Variants in CTNNA2 observed in about 807,000 individuals in gnomAD.
The protein encoded by CTNNA2 is catenin alpha-2.
A neutral mutation model predicts 101.0 loss-of-function variants in CTNNA2; 42 were observed. The ratio of observed to expected loss-of-function variants is 0.42; its 90% CI spans 0.32 to 0.54. CTNNA2 has a LOEUF of 0.54. Among genes scored for constraint, CTNNA2 ranks in the 20% least tolerant of loss-of-function variants. The probability of loss-of-function intolerance (pLI) is 0.14; values close to 1 mark genes in which losing one functional copy is unlikely to be tolerated. For synonymous variants in CTNNA2, 450 were observed against 456.4 expected (o/e 0.99, Z 0.18); for missense variants, 871 against 1,223.1 (o/e 0.71, Z 4.29).
intron 7 of CTNNA2, among the ~76,000 whole-genome samples, chr2:80,135,406 C>A (rs893839658): frequency 6.6e-6 from 1 of 152,142 alleles, no homozygotes; most frequent in Non-Finnish European, 1.5e-5. Flanking sequence ...CCTCTTCCTT[C>A]TTTGTCGTAG....
intron 13 of CTNNA2, among the ~76,000 whole-genome samples, chr2:80,576,683 T>G (rs1218303208): frequency 6.6e-6 from 1 of 151,232 alleles, no homozygotes; most frequent in East Asian, 2.0e-4. Context: ...CAAAGACACC[T>G]TCTTTAATAT....
At chr2:80,412,464 A>G (rs1044106364) in intron 8 of CTNNA2, among the ~76,000 whole-genome samples, 2 of 152,216 alleles carry the variant, frequency 1.3e-5, no homozygotes, top group African/African-American at 4.8e-5. Flanking sequence ...GACTACTGTT[A>G]TTTCAGTGCA....
chr2:79,559,695 G>C (rs1022882716), intron 1 of CTNNA2, among the ~76,000 whole-genome samples: 1 of 151,812 alleles, frequency 6.6e-6, no homozygotes, highest in African/African-American at 2.4e-5. Flanking sequence ...GAAGTAGGTT[G>C]AACACTAGTA....
At chr2:79,793,095 G>A (rs1364853833) in intron 3 of CTNNA2, among the ~76,000 whole-genome samples, 1 of 152,158 alleles carries the variant, frequency 6.6e-6, no homozygotes, top group Non-Finnish European at 1.5e-5. Flanking sequence ...ATGGGCCTAA[G>A]TGGAATATCT....
At chr2:79,975,644 C>T (rs1690784154) in intron 7 of CTNNA2, among the ~76,000 whole-genome samples, 2 of 152,096 alleles carry the variant, frequency 1.3e-5, no homozygotes, top group Admixed American at 1.3e-4. Flanking sequence ...GATTAATTTG[C>T]TAAAGTGGCT....
At chr2:79,664,705 C>CT (rs67782114) in intron 2 of CTNNA2, among the ~76,000 whole-genome samples, 2,964 of 94,944 alleles carry the variant, frequency 0.031, 477 homozygotes, top group African/African-American at 0.1. Context: ...TCACATTCTT[C>CT]TTTTTTTTTT....
At chr2:79,945,926 A>T (rs1688462067) in intron 7 of CTNNA2, among the ~76,000 whole-genome samples, 1 of 152,100 alleles carries the variant, frequency 6.6e-6, no homozygotes, top group Admixed American at 6.5e-5. Context: ...GTGCTATGGG[A>T]GCAGAAAACA....
chr2:80,367,752 T>G (rs749835041), intron 7 of CTNNA2, among the ~76,000 whole-genome samples: 8 of 152,118 alleles, frequency 5.3e-5, no homozygotes, highest in Non-Finnish European at 8.8e-5. Context: ...GAGGTAAGTA[T>G]TCAATATCAG....
intron 7 of CTNNA2, among the ~76,000 whole-genome samples, chr2:80,169,642 T>C (rs1169983454): frequency 3.3e-5 from 5 of 152,132 alleles, no homozygotes; most frequent in Non-Finnish European, 7.4e-5. Flanking sequence ...GATGGATGCT[T>C]CCTACCTTGG....
rs1185534048 is a variant in CTNNA2 at position 80,303,037 on chromosome 2, C to T, written c.1057-90174C>T. 5 of 1,613,746 alleles carry T rather than the reference C, an allele frequency of 3.1e-6. No individual in the cohort carries two copies. The highest frequency in any genetic ancestry group is 1.1e-5 in the South Asian group (1 of 91,064). ...ACTCGATCTCGTTGCCCGACAAGTCCATTTTCTCCAGGTTCCAAACCCAGT... is the reference window on the plus strand; with the variant it reads ...ACTCGATCTCGTTGCCCGACAAGTCTATTTTCTCCAGGTTCCAAACCCAGT... On this transcript the variant is annotated intron_variant, in intron 7 of 18. Transcript: ENST00000402739. The surrounding 1 kb of genome is among the most constrained non-coding windows in gnomAD (Gnocchi z 7.7).
At chr2:79,940,609 G>A (rs1688090586) in intron 7 of CTNNA2, among the ~76,000 whole-genome samples, 1 of 152,158 alleles carries the variant, frequency 6.6e-6, no homozygotes, top group East Asian at 1.9e-4. Flanking sequence ...TGTGTGTGGG[G>A]AGCTGTCAGC....
intron 7 of CTNNA2, among the ~76,000 whole-genome samples, chr2:80,211,872 T>C (rs1486764478): frequency 7.0e-6 from 1 of 141,970 alleles, no homozygotes; most frequent in Non-Finnish European, 1.5e-5. Context: ...CTTCCTTTGT[T>C]TGTGTCCTCT....
chr2:80,186,284 A>G (rs1234433283), intron 7 of CTNNA2, among the ~76,000 whole-genome samples: 2 of 152,218 alleles, frequency 1.3e-5, no homozygotes, highest in African/African-American at 4.8e-5. Context: ...AAAATGAACA[A>G]TAAATTGCAG....
chr2:80,205,203 A>C (rs375729673), intron 7 of CTNNA2, among the ~76,000 whole-genome samples: 2 of 152,318 alleles, frequency 1.3e-5, no homozygotes, highest in East Asian at 3.9e-4. Context: ...CAAACCTAAA[A>C]GGTAGAGAGT....
In CTNNA2 at chr2:80,090,144, CTCTGTGTGTGTG is replaced by C. The variant is rs1168121714; in HGVS notation, c.1056+180349_1056+180360del. Reference sequence around the variant, plus strand: ...AGAAAGGAAGTTTCACTCTCTCTCTCTCTGTGTGTGTGTGTGTGTGTGTGTGTGTGTGTGTGT... The same window carrying C: ...AGAAAGGAAGTTTCACTCTCTCTCTCTGTGTGTGTGTGTGTGTGTGTGTGT... On this transcript the variant is annotated intron_variant, in intron 7 of 18. Transcript: ENST00000402739. 4.3e-3 allele frequency among the ~76,000 whole-genome samples: 375 copies of C among 86,712 alleles called. 3 individuals carry two copies. The highest frequency in any genetic ancestry group is 0.015 in the African/African-American group (350 of 23,080). The allele number at this position is 86,712 out of a possible 152,430, so 56.9% of individuals were successfully genotyped here.
intron 7 of CTNNA2, among the ~76,000 whole-genome samples, chr2:80,053,064 TA>T (rs1329303867): frequency 6.6e-6 from 1 of 152,240 alleles, no homozygotes; most frequent in Non-Finnish European, 1.5e-5. Context: ...AAAGATTTTT[TA>T]AAGTTTTAAT....
intron 7 of CTNNA2, chr2:80,028,310 A>G (rs1024683875): frequency 2.6e-5 from 4 of 152,212 alleles, no homozygotes; most frequent in African/African-American, 7.2e-5. Context: ...ACTAGATGCC[A>G]GGTGGAACGC....
At chr2:79,692,877 TG>T (rs1230739429) in intron 2 of CTNNA2, among the ~76,000 whole-genome samples, 2 of 12,226 alleles carry the variant, frequency 1.6e-4, no homozygotes, top group African/African-American at 3.2e-4. Flanking sequence ...TGTCGGGGGG[TG>T]GGGGGGCTAG....
Position 79,530,780 on chromosome 2 carries a change from A to C in CTNNA2, c.-6+17573A>C, listed in dbSNP as rs574494001. Among the ~76,000 whole-genome samples, 9 of 152,196 alleles carry C rather than the reference A, an allele frequency of 5.9e-5. 1 individual carries two copies. Among genetic ancestry groups the C allele is most frequent in the Admixed American group, 5.9e-4 (9 of 15,232 alleles). On this transcript the variant is annotated intron_variant, in intron 1 of 18. Transcript: ENST00000402739. The stretch of plus-strand genomic sequence containing the variant: ...GTATGTTTCCAAAGATATTTAGCAG[A>C]CTTGGATGCTGAAAGGGAAGTGAGA...
Sources: allele counts gnomAD v4.1 joint callset (sites outside exome capture counted in the v4.1 genomes callset), GRCh38; gene constraint gnomAD v4.1.1; non-coding constraint Gnocchi (gnomAD v3.1); transcripts MANE v1.5; gene names NCBI Gene and HGNC (gene_info 2026-07-23, HGNC 2026-07-21).